Variants in ITGA9 observed in about 807,000 individuals in gnomAD.
The protein encoded by ITGA9 is integrin subunit alpha 9.
Under a neutral mutation model 127.8 loss-of-function variants are expected in ITGA9, and 56 were observed. The ratio of observed to expected loss-of-function variants is 0.44; its 90% CI spans 0.35 to 0.55. The LOEUF is 0.55. Ranked by LOEUF, ITGA9 falls within the 20% of genes least tolerant of loss-of-function variation. ITGA9 has a pLI of 0.00. For missense variants in ITGA9, 1,196 were observed against 1,347.1 expected, an observed-to-expected ratio of 0.89 and a Z score of 1.76; for synonymous variants, 508 against 514.5, an observed-to-expected ratio of 0.99 and a Z score of 0.17.
chr3:37,700,072 C>G (rs977522033), intron 18 of ITGA9, among the ~76,000 whole-genome samples: 3 of 152,154 alleles, frequency 2.0e-5, no homozygotes, highest in Non-Finnish European at 4.4e-5. Flanking sequence ...CAACCTCCGC[C>G]TCCCTGGTTC....
chr3:37,728,953 A>G (rs970660097), intron 18 of ITGA9, among the ~76,000 whole-genome samples: 2 of 152,044 alleles, frequency 1.3e-5, no homozygotes, highest in African/African-American at 4.8e-5. Flanking sequence ...TGGAACATTA[A>G]TTGTACAACA....
chr3:37,503,519 T>C (rs1024513643), intron 6 of ITGA9, among the ~76,000 whole-genome samples: 1 of 152,202 alleles, frequency 6.6e-6, no homozygotes, highest in Non-Finnish European at 1.5e-5. Flanking sequence ...GAATTAAAAC[T>C]GTATGCTTTA....
At chr3:37,781,331 A>C (rs1007408927) in intron 25 of ITGA9, among the ~76,000 whole-genome samples, 6 of 152,346 alleles carry the variant, frequency 3.9e-5, no homozygotes, top group Non-Finnish European at 7.3e-5. Context: ...GCAACTGTTC[A>C]ACTCTGCCAT....
intron 15 of ITGA9, among the ~76,000 whole-genome samples, chr3:37,596,812 A>G (rs1575161971): frequency 6.6e-6 from 1 of 152,182 alleles, no homozygotes; most frequent in African/African-American, 2.4e-5. Context: ...TGTGCCTGAA[A>G]AAAAGTCAAC....
chr3:37,785,576 G>A (rs1045070452), intron 26 of ITGA9, among the ~76,000 whole-genome samples: 2 of 152,002 alleles, frequency 1.3e-5, no homozygotes, highest in African/African-American at 4.8e-5. Context: ...TGGCCTCAAG[G>A]GATCCTCTCA....
intron 15 of ITGA9, chr3:37,585,554 A>T: frequency 2.0e-6 from 1 of 502,160 alleles, no homozygotes. Flanking sequence ...GGATTCTTTC[A>T]AGTACAACAT....
chr3:37,768,521 C>T (rs887745104), intron 23 of ITGA9, among the ~76,000 whole-genome samples: 22 of 152,266 alleles, frequency 1.4e-4, no homozygotes, highest in African/African-American at 4.3e-4. Flanking sequence ...TCAAAACATT[C>T]TCTGAGTTTT....
chr3:37,805,965 GC>G (rs1462382935), intron 27 of ITGA9: 1 of 151,978 alleles, frequency 6.6e-6, no homozygotes, highest in East Asian at 1.9e-4. Flanking sequence ...GAGCCACCCC[GC>G]CCGGCCTAAG....
chr3:37,477,524 C>T (rs1372702673), intron 3 of ITGA9, among the ~76,000 whole-genome samples: 1 of 152,136 alleles, frequency 6.6e-6, no homozygotes, highest in Non-Finnish European at 1.5e-5. Context: ...CACTGTTGCA[C>T]CTCCCAGGTT....
chr3:37,540,240 G>A lies in ITGA9; in HGVS notation c.1529-2185G>A, dbSNP rs1412753710. Among the ~76,000 whole-genome samples, 3 of 152,186 alleles carry A rather than the reference G, an allele frequency of 2.0e-5. No homozygotes were observed. In the East Asian group the frequency reaches 5.8e-4, roughly 29 times the overall value. On this transcript the variant is annotated intron_variant, in intron 14 of 27. Coordinates refer to ENST00000264741, the MANE Select transcript of ITGA9 (RefSeq NM_002207.3). Reference sequence around the variant, plus strand: ...CACCTGGGAAGGAGGCTGGTCAGGGGACCCCGAGGAGAGTCTGCTCAGCAG... The same window carrying A: ...CACCTGGGAAGGAGGCTGGTCAGGGAACCCCGAGGAGAGTCTGCTCAGCAG...
chr3:37,498,800 C>T (rs1559521060), intron 5 of ITGA9, among the ~76,000 whole-genome samples: 1 of 152,228 alleles, frequency 6.6e-6, no homozygotes, highest in Non-Finnish European at 1.5e-5. Flanking sequence ...GGCTTTTGGC[C>T]TCCTTAAACA....
At chr3:37,454,365 C>T (rs537279975) in intron 1 of ITGA9, among the ~76,000 whole-genome samples, 3 of 152,316 alleles carry the variant, frequency 2.0e-5, no homozygotes, top group African/African-American at 7.2e-5. Flanking sequence ...GGATTTAAAA[C>T]GGGGATGAAG....
At chr3:37,500,529 C>T (rs1354932354) in intron 5 of ITGA9, among the ~76,000 whole-genome samples, 1 of 152,188 alleles carries the variant, frequency 6.6e-6, no homozygotes, top group Non-Finnish European at 1.5e-5. Context: ...TTAACCATAA[C>T]ACGTATTGTT....
intron 1 of ITGA9, among the ~76,000 whole-genome samples, chr3:37,460,855 C>G (rs1403593866): frequency 6.6e-6 from 1 of 152,112 alleles, no homozygotes; most frequent in Non-Finnish European, 1.5e-5. Flanking sequence ...TCCCGAAGTG[C>G]TGGGATTACA....
intron 4 of ITGA9, among the ~76,000 whole-genome samples, chr3:37,488,831 CAT>C (rs1214164734): frequency 1.3e-5 from 2 of 151,838 alleles, no homozygotes; most frequent in African/African-American, 4.8e-5. Context: ...AAATAAATAA[CAT>C]AAAAATTACC....
intron 25 of ITGA9, among the ~76,000 whole-genome samples, chr3:37,781,826 A>G (rs1375913937): frequency 6.6e-6 from 1 of 152,232 alleles, no homozygotes; most frequent in Non-Finnish European, 1.5e-5. Context: ...CTGACCTGAG[A>G]GGATGCAGGC....
intron 15 of ITGA9, among the ~76,000 whole-genome samples, chr3:37,602,425 G>C (rs574811508): frequency 6.6e-6 from 1 of 152,194 alleles, no homozygotes; most frequent in African/African-American, 2.4e-5. Flanking sequence ...TGTAATAATA[G>C]AGGCACATAT....
intron 22 of ITGA9, among the ~76,000 whole-genome samples, chr3:37,746,357 T>C (rs1696500707): frequency 6.6e-6 from 1 of 152,218 alleles, no homozygotes; most frequent in Admixed American, 6.5e-5. Flanking sequence ...GCTTTTTACA[T>C]TTCATCATAG....
At chr3:37,628,397 A>C (rs375157060) in intron 15 of ITGA9, among the ~76,000 whole-genome samples, 17 of 152,266 alleles carry the variant, frequency 1.1e-4, no homozygotes, top group African/African-American at 3.8e-4. Context: ...CAGAAAAGCC[A>C]AGAGCTCCAG....
Sources: gnomAD v4.1 joint callset for allele counts (sites outside exome capture counted in the v4.1 genomes callset) on GRCh38, gnomAD v4.1.1 for gene constraint, MANE v1.5 for transcripts, NCBI Gene and HGNC (gene_info 2026-07-23, HGNC 2026-07-21) for gene names.